NOS1: variants seen among roughly 807,000 people sequenced by gnomAD.
NOS1 encodes NOS type I.
In NOS1, 51 loss-of-function variants were observed where a neutral mutation model predicts 164.5. The ratio of observed to expected loss-of-function variants is 0.31; its 90% confidence interval spans 0.25 to 0.39. NOS1 has a LOEUF of 0.39. Ranked by LOEUF, NOS1 falls within the 10% of genes least tolerant of loss-of-function variation. The probability of loss-of-function intolerance (pLI) is 1.00; values close to 1 mark genes in which losing one functional copy is unlikely to be tolerated. For synonymous variants in NOS1, 719 were observed against 745.8 expected (o/e 0.96, Z 0.59); for missense variants, 1,362 against 1,885.6 (o/e 0.72, Z 5.14).
At position 117,355,785 on chromosome 12, in the gene NOS1, G is replaced by A. The variant is rs945639898; in HGVS notation, c.-421+5727C>T. Among the ~76,000 whole-genome samples the A allele has an allele frequency of 7.2e-5, 11 of 152,224 alleles. No homozygotes were observed. In the East Asian group the frequency reaches 1.9e-3, roughly 27 times the overall value. ...ATTAATTTATGTATTTTCGAGACAGGTTCTGGCTCTGTTACCCAGGATGGA... is the reference window on the plus strand; with the variant it reads ...ATTAATTTATGTATTTTCGAGACAGATTCTGGCTCTGTTACCCAGGATGGA... On this transcript the variant is annotated intron_variant, in intron 1 of 28. Coordinates refer to ENST00000317775, the MANE Select transcript of NOS1 (RefSeq NM_000620.5).
intron 1 of NOS1, chr12:117,347,896 C>A (rs962725401): frequency 6.6e-6 from 1 of 152,096 alleles, no homozygotes; most frequent in Non-Finnish European, 1.5e-5. Flanking sequence ...ACCTTTCTGT[C>A]TAAATTGGGC....
intron 1 of NOS1, among the ~76,000 whole-genome samples, chr12:117,331,991 C>T (rs9658272): frequency 1.2e-4 from 18 of 152,296 alleles, no homozygotes; most frequent in South Asian, 1.0e-3. Flanking sequence ...ACAATGATGA[C>T]GAATGTCAGT....
chr12:117,340,926 T>C (rs1178382571), intron 1 of NOS1, among the ~76,000 whole-genome samples: 12 of 139,762 alleles, frequency 8.6e-5, no homozygotes. Context: ...GGTTTCACCA[T>C]GTTGGCCAGG....
chr12:117,289,184 G>A (rs944944516), intron 4 of NOS1, among the ~76,000 whole-genome samples: 1 of 152,090 alleles, frequency 6.6e-6, no homozygotes, highest in African/African-American at 2.4e-5. Flanking sequence ...AAATACTGAG[G>A]ACACACTGTG....
chr12:117,225,026 G>T lies in NOS1; in HGVS notation c.3816C>A (p.Ile1272=). The change falls in exon 25 of 29, where the codon ATC becomes ATA. Residue 1272 remains isoleucine, a synonymous_variant. Coordinates refer to ENST00000317775, the MANE Select transcript of NOS1 (RefSeq NM_000620.5). ...RSFWQQRQFD[I]QHKGMNPCPM... ...TGGACTGTAACCCACCTTTGTGTTGGATATCAAATTGCCGCTGTTGCCAGA... is the reference window on the plus strand; with the variant it reads ...TGGACTGTAACCCACCTTTGTGTTGTATATCAAATTGCCGCTGTTGCCAGA... 10 of 1,614,192 alleles carry T rather than the reference G, an allele frequency of 6.2e-6. No individual in the cohort carries two copies. Among genetic ancestry groups the T allele is most frequent in the Non-Finnish European group, 8.5e-6 (10 of 1,180,032 alleles).
Position 117,211,920 on chromosome 12 carries a change from C to T in NOS1, c.*3389G>A. On this transcript the variant is annotated 3_prime_UTR_variant, in exon 29 of 29. Transcript: ENST00000317775. ...ACTCTACTAAAAATACAAAACTTAG[C>T]TGGGCGTGGTGGTAGGCGCCTGTAG... The T allele has an allele frequency of 2.8e-6, 2 of 718,166 alleles. No homozygotes were observed. Among genetic ancestry groups the T allele is most frequent in the Middle Eastern group, 7.2e-4 (1 of 1,386 alleles). 44.5% of individuals were successfully genotyped at this position (718,166 alleles called of 1,614,324 possible).
chr12:117,215,126 T>C lies in NOS1; in HGVS notation c.*183A>G. 2 of 1,303,294 alleles carry C rather than the reference T, an allele frequency of 1.5e-6. No homozygotes were observed. Among genetic ancestry groups the C allele is most frequent in the South Asian group, 3.2e-5 (1 of 30,900 alleles). 80.7% of individuals were successfully genotyped at this position (1,303,294 alleles called of 1,614,324 possible). A position where few individuals can be genotyped will look rare whatever the true frequency, so the allele number is the denominator to read the frequency against. The stretch of plus-strand genomic sequence containing the variant: ...AAGCATTGCATCGCAGCAGGAAAAC[T>C]CAAGGAGTAAACCCAGGAGGGCCGA... On this transcript the variant is annotated 3_prime_UTR_variant, in exon 29 of 29. Transcript: ENST00000317775.
intron 2 of NOS1, among the ~76,000 whole-genome samples, chr12:117,328,239 C>T (rs947171952): frequency 2.0e-5 from 3 of 152,082 alleles, no homozygotes; most frequent in African/African-American, 4.8e-5. Flanking sequence ...GGTGCGATCT[C>T]GGCTCACTGC....
intron 20 of NOS1, among the ~76,000 whole-genome samples, chr12:117,239,440 T>C (rs1382736470): frequency 1.3e-5 from 2 of 152,238 alleles, no homozygotes; most frequent in Non-Finnish European, 2.9e-5. Flanking sequence ...GTCTCTTCTG[T>C]GTCGTTTGCT....
intron 1 of NOS1, among the ~76,000 whole-genome samples, chr12:117,336,282 AT>A (rs1457885772): frequency 2.6e-5 from 4 of 152,210 alleles, no homozygotes; most frequent in Admixed American, 1.3e-4. Flanking sequence ...CATTTTTAGC[AT>A]TGAAAGATGA....
At chr12:117,221,605 C>T (rs1479335608) in intron 26 of NOS1, among the ~76,000 whole-genome samples, 1 of 150,290 alleles carries the variant, frequency 6.7e-6, no homozygotes, top group African/African-American at 2.4e-5. Context: ...TTTTTAATTT[C>T]TGTTTTTAAA....
intron 3 of NOS1, among the ~76,000 whole-genome samples, chr12:117,297,291 G>A (rs1434987297): frequency 6.6e-6 from 1 of 152,220 alleles, no homozygotes; most frequent in Non-Finnish European, 1.5e-5. Flanking sequence ...CTGGAAGCAG[G>A]GAACTGAAGG....
intron 13 of NOS1, among the ~76,000 whole-genome samples, chr12:117,261,025 C>T (rs1454214650): frequency 1.3e-5 from 2 of 151,502 alleles, no homozygotes; most frequent in East Asian, 1.9e-4. Context: ...AAAAATTAGC[C>T]GGGAGTGGCA....
At chr12:117,236,177 C>T (rs546902537) in intron 20 of NOS1, among the ~76,000 whole-genome samples, 22 of 152,300 alleles carry the variant, frequency 1.4e-4, no homozygotes, top group South Asian at 6.2e-4. Context: ...CTTTGAGCTA[C>T]GATTGCTTTT....
chr12:117,215,336 G>C lies in NOS1; in HGVS notation c.4290-12C>G. 6.5e-7 allele frequency: 1 copy of C among 1,536,664 alleles called. No individual in the cohort carries two copies. Among genetic ancestry groups the C allele is most frequent in the Non-Finnish European group, 8.8e-7 (1 of 1,140,406 alleles). On this transcript the variant is annotated splice_polypyrimidine_tract_variant and intron_variant, in intron 28 of 28. Transcript: ENST00000317775. ...AGGAGCTGAAAACCCTGTGGAAAGA[G>C]AAGTTGGGGGGCAGTTAGTGCCCCA...
At chr12:117,267,913 A>G (rs1872539701) in intron 11 of NOS1, 130 bp downstream of exon 11, 1 of 641,230 alleles carries the variant, frequency 1.6e-6, no homozygotes, top group Admixed American at 2.8e-5. Flanking sequence ...AAGCTAGACC[A>G]TACTCATGGA....
At chr12:117,222,967 G>T in intron 25 of NOS1, 104 bp from the exon 26 acceptor site, 1 of 1,322,896 alleles carries the variant, frequency 7.6e-7, no homozygotes, top group Non-Finnish European at 1.0e-6. Flanking sequence ...TGTGCCATGC[G>T]GATAGAGGCT....
At chr12:117,282,466 A>G (rs1031183701) in intron 7 of NOS1, among the ~76,000 whole-genome samples, 1 of 152,120 alleles carries the variant, frequency 6.6e-6, no homozygotes, top group African/African-American at 2.4e-5. Context: ...CCCCTCTTCC[A>G]TTTTATGTCC....
chr12:117,292,766 T>C (rs2136029111), intron 3 of NOS1, among the ~76,000 whole-genome samples: 1 of 152,274 alleles, frequency 6.6e-6, no homozygotes, highest in Non-Finnish European at 1.5e-5. Flanking sequence ...CACATGTTTA[T>C]TGAGTAGTTC....
Sources: allele counts gnomAD v4.1 joint callset (sites outside exome capture counted in the v4.1 genomes callset), GRCh38; gene constraint gnomAD v4.1.1; transcripts MANE v1.5; gene names NCBI Gene and HGNC (gene_info 2026-07-23, HGNC 2026-07-21).